The following RUNX2 variants were observed in gnomAD, a reference collection of about 807,000 sequenced individuals.
The protein encoded by RUNX2 is RUNX family transcription factor 2.
A neutral mutation model predicts 51.7 loss-of-function variants in RUNX2; 10 were observed. The observed-to-expected ratio is 0.19, with a 90% CI of 0.12 to 0.33. RUNX2 has a LOEUF of 0.33. Among genes scored for constraint, RUNX2 ranks in the 10% least tolerant of loss-of-function variants. The pLI is 1.00. For synonymous variants in RUNX2, 276 were observed against 273.6 expected (o/e 1.01, Z -0.09); for missense variants, 562 against 691.3 (o/e 0.81, Z 2.10).
chr6:45,464,328 G>A (rs1799565007), intron 5 of RUNX2, among the ~76,000 whole-genome samples: 1 of 152,148 alleles, frequency 6.6e-6, no homozygotes, highest in African/African-American at 2.4e-5. Context: ...TCAGGTAGTA[G>A]TTAACAGTAA....
intron 3 of RUNX2, among the ~76,000 whole-genome samples, chr6:45,430,298 T>G (rs1018307661): frequency 5.3e-5 from 8 of 152,096 alleles, no homozygotes; most frequent in Non-Finnish European, 1.5e-5. Flanking sequence ...TATTAACATA[T>G]GTACGTTGAA....
intron 2 of RUNX2, among the ~76,000 whole-genome samples, chr6:45,380,522 A>T (rs1405046254): frequency 6.6e-6 from 1 of 152,226 alleles, no homozygotes; most frequent in Non-Finnish European, 1.5e-5. Context: ...TCAAAAGAGC[A>T]GCAGAAGTCA....
intron 7 of RUNX2, among the ~76,000 whole-genome samples, chr6:45,519,375 A>G (rs550039214): frequency 1.3e-5 from 2 of 152,278 alleles, no homozygotes; most frequent in African/African-American, 4.8e-5. Flanking sequence ...TGATGAACCA[A>G]TATTGATACA....
rs144274291 is a variant in RUNX2 at position 45,435,185 on chromosome 6, A to C, written c.581-2762A>C. ...AGAACTCATTCTACTCTGAAAATTTAAATGCTTTATACTTGAAGGGTGAAT... is the reference window on the plus strand; with the variant it reads ...AGAACTCATTCTACTCTGAAAATTTCAATGCTTTATACTTGAAGGGTGAAT... On this transcript the variant is annotated intron_variant, in intron 4 of 8. Coordinates refer to ENST00000647337, the MANE Select transcript of RUNX2 (RefSeq NM_001024630.4). 2.4e-3 allele frequency among the ~76,000 whole-genome samples: 369 copies of C among 152,252 alleles called. 1 individual carries two copies. Among genetic ancestry groups the C allele is most frequent in the African/African-American group, 8.2e-3 (339 of 41,534 alleles).
chr6:45,387,682 T>A (rs1258030792), intron 2 of RUNX2, among the ~76,000 whole-genome samples: 1 of 152,200 alleles, frequency 6.6e-6, no homozygotes, highest in Non-Finnish European at 1.5e-5. Context: ...TGCTACTGGT[T>A]ATAGCCACTG....
intron 2 of RUNX2, among the ~76,000 whole-genome samples, chr6:45,387,791 G>C (rs1797383274): frequency 6.6e-6 from 1 of 152,192 alleles, no homozygotes; most frequent in Non-Finnish European, 1.5e-5. Context: ...ACAGAAACCA[G>C]GAGAGCAGAG....
intron 2 of RUNX2, among the ~76,000 whole-genome samples, chr6:45,334,753 T>C (rs907429973): frequency 1.1e-4 from 17 of 150,702 alleles, no homozygotes; most frequent in Non-Finnish European, 1.9e-4. Context: ...ATAATGATTA[T>C]AAACCAGGAA....
At chr6:45,485,697 G>GTGTGTATATATATATATATATATATATA (rs1219072282) in intron 5 of RUNX2, among the ~76,000 whole-genome samples, 38 of 104,014 alleles carry the variant, frequency 3.7e-4, no homozygotes, top group African/African-American at 1.3e-3. Flanking sequence ...GTGTGTGTGT[G>GTGTGTATATATATATATATATATATATA]TATATATATA....
chr6:45,542,065 T>C (rs1802246493), intron 7 of RUNX2, among the ~76,000 whole-genome samples: 1 of 151,618 alleles, frequency 6.6e-6, no homozygotes, highest in African/African-American at 2.4e-5. Context: ...CAAACGTGAC[T>C]CAGGATAAGC....
intron 7 of RUNX2, among the ~76,000 whole-genome samples, chr6:45,541,170 T>G (rs576877550): frequency 5.5e-4 from 84 of 152,298 alleles, no homozygotes; most frequent in Middle Eastern, 6.8e-3. Context: ...ACTGACATTT[T>G]TTTTTTCATT....
chr6:45,495,926 T>C (rs1582173384), intron 6 of RUNX2, among the ~76,000 whole-genome samples: 1 of 152,234 alleles, frequency 6.6e-6, no homozygotes, highest in Admixed American at 6.5e-5. Context: ...CCCTGGTATC[T>C]TTGCAGTGCT....
intron 2 of RUNX2, among the ~76,000 whole-genome samples, chr6:45,385,277 T>G (rs1797326048): frequency 6.6e-6 from 1 of 152,206 alleles, no homozygotes; most frequent in Non-Finnish European, 1.5e-5. Flanking sequence ...AGGATTGGTT[T>G]GAACCTCCAT....
At position 45,380,738 on chromosome 6, in the gene RUNX2, G is replaced by A. The variant is rs149225785; in HGVS notation, c.59-41855G>A. Among the ~76,000 whole-genome samples the A allele has an allele frequency of 7.1e-3, 1,079 of 152,172 alleles. 20 individuals carry two copies. Among genetic ancestry groups the A allele is most frequent in the African/African-American group, 0.025 (1,023 of 41,510 alleles). The stretch of plus-strand genomic sequence containing the variant: ...ATTACAGGCGTGTGCCACCACGCCC[G>A]GGTAATTTTTGTATTTTTAATAGAG... On this transcript the variant is annotated intron_variant, in intron 2 of 8. Transcript: ENST00000647337.
intron 5 of RUNX2, among the ~76,000 whole-genome samples, chr6:45,456,752 A>G (rs974287397): frequency 9.9e-5 from 15 of 152,206 alleles, no homozygotes; most frequent in Non-Finnish European, 1.8e-4. Context: ...TCAGAAAATA[A>G]TATATTCTGT....
intron 4 of RUNX2, among the ~76,000 whole-genome samples, chr6:45,433,435 A>C (rs963688231): frequency 2.0e-5 from 3 of 152,138 alleles, no homozygotes; most frequent in Non-Finnish European, 1.5e-5. Flanking sequence ...AAAAATGTGA[A>C]CATGATGATT....
chr6:45,476,028 C>G (rs966286092), intron 5 of RUNX2, among the ~76,000 whole-genome samples: 1 of 152,216 alleles, frequency 6.6e-6, no homozygotes, highest in African/African-American at 2.4e-5. Context: ...CTTTCTTTCT[C>G]AAGCCCTTTT....
intron 7 of RUNX2, among the ~76,000 whole-genome samples, chr6:45,514,937 G>GTTT (rs60322978): frequency 1.4e-5 from 2 of 141,234 alleles, no homozygotes; most frequent in Admixed American, 7.1e-5. Context: ...TTTAATTTGG[G>GTTT]TTTTTTTTTT....
intron 2 of RUNX2, among the ~76,000 whole-genome samples, chr6:45,419,066 G>A (rs926105913): frequency 7.2e-5 from 11 of 152,272 alleles, no homozygotes; most frequent in Middle Eastern, 3.4e-3. Flanking sequence ...ACAAAACAGC[G>A]ATGGAGAAAA....
At chr6:45,535,071 G>T (rs1440407510) in intron 7 of RUNX2, among the ~76,000 whole-genome samples, 1 of 152,114 alleles carries the variant, frequency 6.6e-6, no homozygotes, top group African/African-American at 2.4e-5. Flanking sequence ...GAGGGGAACG[G>T]TGCACACTGG....
Sources: allele counts gnomAD v4.1 joint callset (sites outside exome capture counted in the v4.1 genomes callset), GRCh38; gene constraint gnomAD v4.1.1; transcripts MANE v1.5; gene names NCBI Gene and HGNC (gene_info 2026-07-23, HGNC 2026-07-21).